The following DPYD variants were observed in gnomAD, a reference collection of about 807,000 sequenced individuals.
DPYD encodes dihydropyrimidine dehydrogenase [NADP(+)].
In DPYD, 109 loss-of-function variants were observed where a neutral mutation model predicts 116.2. The ratio of observed to expected loss-of-function variants is 0.94; its 90% CI spans 0.80 to 1.10. The LOEUF is 1.10. Among genes scored for constraint, DPYD ranks in the 50% least tolerant of loss-of-function variants. DPYD has a pLI of 0.00. For missense variants in DPYD, 1,302 were observed against 1,254.5 expected, an observed-to-expected ratio of 1.04 and a Z score of -0.57; for synonymous variants, 440 against 432.0, an observed-to-expected ratio of 1.02 and a Z score of -0.23.
chr1:97,541,369 A>T (rs1650441856), intron 12 of DPYD, among the ~76,000 whole-genome samples: 1 of 152,230 alleles, frequency 6.6e-6, no homozygotes, highest in Non-Finnish European at 1.5e-5. Context: ...TACTGCTGTC[A>T]AATTAGGTGT....
At chr1:97,323,595 T>C (rs868455617) in intron 16 of DPYD, among the ~76,000 whole-genome samples, 2 of 72,316 alleles carry the variant, frequency 2.8e-5, no homozygotes, top group South Asian at 1.1e-3. Context: ...CATATATACA[T>C]ATATGTGTAT....
intron 11 of DPYD, among the ~76,000 whole-genome samples, chr1:97,556,331 TTTTA>T (rs1431767836): frequency 2.6e-5 from 4 of 151,710 alleles, no homozygotes; most frequent in East Asian, 1.9e-4. Flanking sequence ...TTCCCTTTTT[TTTTA>T]TTTTATTTTA....
intron 2 of DPYD, among the ~76,000 whole-genome samples, chr1:97,870,156 T>C (rs1671585040): frequency 6.6e-6 from 1 of 151,996 alleles, no homozygotes; most frequent in South Asian, 2.1e-4. Context: ...TCACATGAAA[T>C]ATTCTGGGGA....
At chr1:97,684,266 G>C (rs1405263248) in intron 7 of DPYD, among the ~76,000 whole-genome samples, 1 of 152,100 alleles carries the variant, frequency 6.6e-6, no homozygotes, top group Non-Finnish European at 1.5e-5. Context: ...AGAACTTCCT[G>C]AGTTCTGCCT....
chr1:97,564,320 T>A (rs571308766), intron 11 of DPYD, among the ~76,000 whole-genome samples: 1 of 152,106 alleles, frequency 6.6e-6, no homozygotes, highest in Non-Finnish European at 1.5e-5. Flanking sequence ...AAGCTGACCT[T>A]TTTTCTCTTC....
intron 13 of DPYD, among the ~76,000 whole-genome samples, chr1:97,486,441 T>C (rs1056823950): frequency 1.3e-4 from 20 of 152,142 alleles, no homozygotes; most frequent in Non-Finnish European, 1.2e-4. Context: ...AGTTTCATGG[T>C]TCTAATGACT....
intron 18 of DPYD, among the ~76,000 whole-genome samples, chr1:97,271,563 T>C (rs1235566542): frequency 1.3e-5 from 2 of 152,186 alleles, no homozygotes; most frequent in Non-Finnish European, 2.9e-5. Flanking sequence ...CTATTTTAAA[T>C]TCAACCTTTT....
chr1:97,699,697 G>T, intron 5 of DPYD, 150 bp from the exon 6 acceptor site: 1 of 778,546 alleles, frequency 1.3e-6, no homozygotes, highest in Non-Finnish European at 2.1e-6. Flanking sequence ...CTTTTATTGT[G>T]TCAAGTAGAT....
At chr1:97,299,174 CTG>C (rs1355025223) in intron 18 of DPYD, among the ~76,000 whole-genome samples, 4 of 152,046 alleles carry the variant, frequency 2.6e-5, no homozygotes, top group Non-Finnish European at 5.9e-5. Flanking sequence ...ATGCATGAAT[CTG>C]TGAATATTTA....
intron 15 of DPYD, among the ~76,000 whole-genome samples, chr1:97,379,454 ACC>A (rs1276595589): frequency 6.6e-6 from 1 of 152,172 alleles, no homozygotes; most frequent in Admixed American, 6.5e-5. Flanking sequence ...CCTACTTGTC[ACC>A]CAGGAATTTT....
intron 16 of DPYD, among the ~76,000 whole-genome samples, chr1:97,363,666 G>C (rs1670867313): frequency 1.3e-5 from 2 of 152,140 alleles, no homozygotes; most frequent in Admixed American, 1.3e-4. Context: ...CATGGATACA[G>C]CTGGAAACCA....
chr1:97,210,079 T>C (rs972715756), intron 19 of DPYD, among the ~76,000 whole-genome samples: 25 of 152,068 alleles, frequency 1.6e-4, no homozygotes, highest in Non-Finnish European at 1.8e-4. Context: ...GCCAGGAGAA[T>C]CTGGTTTAAA....
intron 16 of DPYD, among the ~76,000 whole-genome samples, chr1:97,313,615 C>T (rs747878932): frequency 6.6e-6 from 1 of 151,696 alleles, no homozygotes; most frequent in Non-Finnish European, 1.5e-5. Context: ...TTCTGTTTCT[C>T]ATTTCAAGTT....
chr1:97,453,455 A>G (rs1431025750), intron 13 of DPYD, among the ~76,000 whole-genome samples: 1 of 152,160 alleles, frequency 6.6e-6, no homozygotes, highest in Non-Finnish European at 1.5e-5. Context: ...ATCATAGAAT[A>G]TAAAAGACAC....
chr1:97,298,935 C>T (rs1215858702), intron 18 of DPYD, among the ~76,000 whole-genome samples: 1 of 152,082 alleles, frequency 6.6e-6, no homozygotes, highest in Non-Finnish European at 1.5e-5. Flanking sequence ...GGTACAGCCC[C>T]TGAGATTTAA....
chr1:97,573,829 C>A lies in DPYD; in HGVS notation c.1270G>T (p.Asp424Tyr). 7 of 1,613,644 alleles carry A rather than the reference C, an allele frequency of 4.3e-6. No individual in the cohort carries two copies. The highest frequency in any genetic ancestry group is 5.9e-6 in the Non-Finnish European group (7 of 1,179,662). ...DETGKWNEDE[D>Y]QMVHLKADVV... ...TCGGCTTTCAGATGGACCATCTGAT[C>A]TTCATCTTCATTCCATTTTCCAGTT... The change falls in exon 11 of 23, where the codon GAT (aspartate) becomes TAT (tyrosine). Residue 424 changes from aspartate (D) to tyrosine (Y), a missense_variant. By Grantham distance (160) the Asp-to-Tyr change is radical. Transcript: ENST00000370192.
chr1:97,592,157 A>G (rs1654562773), intron 10 of DPYD, among the ~76,000 whole-genome samples: 2 of 152,230 alleles, frequency 1.3e-5, no homozygotes, highest in Admixed American at 1.3e-4. Context: ...GAAGCAAGTC[A>G]AGTTCATAAT....
chr1:97,469,115 G>A (rs1212567334), intron 13 of DPYD, among the ~76,000 whole-genome samples: 1 of 151,976 alleles, frequency 6.6e-6, no homozygotes, highest in East Asian at 1.9e-4. Context: ...CTGCAAAAAT[G>A]GTATGAAAGG....
At chr1:97,574,977 C>T (rs1019363420) in intron 10 of DPYD, among the ~76,000 whole-genome samples, 17 of 152,116 alleles carry the variant, frequency 1.1e-4, no homozygotes, top group African/African-American at 3.9e-4. Flanking sequence ...AAATAATTAA[C>T]TCAATGCTGT....
Sources: allele counts gnomAD v4.1 joint callset (sites outside exome capture counted in the v4.1 genomes callset), GRCh38; gene constraint gnomAD v4.1.1; transcripts MANE v1.5; gene names NCBI Gene and HGNC (gene_info 2026-07-23, HGNC 2026-07-21).